Variants in PDE11A observed in about 807,000 individuals in gnomAD.
PDE11A encodes the protein dual 3',5'-cyclic-AMP and -GMP phosphodiesterase 11A.
A neutral mutation model predicts 100.5 loss-of-function variants in PDE11A; 100 were observed. The ratio of observed to expected loss-of-function variants is 1.00; its 90% CI spans 0.85 to 1.18. The LOEUF (loss-of-function observed/expected upper bound fraction) is 1.18, where lower values mean the gene tolerates loss of function less well. PDE11A is among the 50% of genes most tolerant of loss of function. The pLI, the probability that PDE11A is intolerant of heterozygous loss-of-function variation, is 0.00. For missense variants in PDE11A, 1,141 were observed against 1,152.6 expected (o/e 0.99, Z 0.15); for synonymous variants, 381 against 420.8 (o/e 0.91, Z 1.16).
Position 178,001,162 on chromosome 2 carries a change from T to A in PDE11A, c.1071+13140A>T, listed in dbSNP as rs192633482. Among the ~76,000 whole-genome samples, 243 of 152,302 alleles carry A rather than the reference T, an allele frequency of 1.6e-3. 1 individual carries two copies. Among genetic ancestry groups the A allele is most frequent in the African/African-American group, 5.4e-3 (224 of 41,560 alleles). On this transcript the variant is annotated intron_variant, in intron 2 of 19. Transcript: ENST00000286063. Reference sequence around the variant, plus strand: ...AAAGCACCTATCACAGAGTACACTCTTAAATGTTTCCATTATTTTCTCATT... The same window carrying A: ...AAAGCACCTATCACAGAGTACACTCATAAATGTTTCCATTATTTTCTCATT...
chr2:178,071,381 ACTAGT>A (rs2087126111), intron 1 of PDE11A, 140 bp downstream of exon 1: 2 of 914,122 alleles, frequency 2.2e-6, no homozygotes, highest in East Asian at 5.1e-5. Flanking sequence ...TAACATTCTA[ACTAGT>A]CTAAACTCGG....
intron 9 of PDE11A, among the ~76,000 whole-genome samples, chr2:177,777,123 A>C (rs1265524043): frequency 6.6e-6 from 1 of 152,136 alleles, no homozygotes; most frequent in Non-Finnish European, 1.5e-5. Context: ...TCTTTCCTTT[A>C]TAAATTACCC....
chr2:177,638,094 G>C (rs1321594395), intron 19 of PDE11A, among the ~76,000 whole-genome samples: 1 of 148,034 alleles, frequency 6.8e-6, no homozygotes, highest in Non-Finnish European at 1.5e-5. Flanking sequence ...CCGCCTCCCA[G>C]GTTCACGCCA....
intron 3 of PDE11A, among the ~76,000 whole-genome samples, chr2:177,902,225 C>G (rs572236935): frequency 5.9e-5 from 9 of 152,238 alleles, no homozygotes; most frequent in Admixed American, 1.3e-4. Flanking sequence ...CTAACTGATA[C>G]GATATATTCT....
chr2:177,799,747 C>T (rs572922986), intron 9 of PDE11A, among the ~76,000 whole-genome samples: 1 of 152,270 alleles, frequency 6.6e-6, no homozygotes, highest in African/African-American at 2.4e-5. Flanking sequence ...CTCCAGAGGG[C>T]AGTGTTCCTT....
chr2:177,804,173 C>T (rs1019345866), intron 9 of PDE11A, among the ~76,000 whole-genome samples: 3 of 151,918 alleles, frequency 2.0e-5, no homozygotes, highest in Non-Finnish European at 4.4e-5. Flanking sequence ...AACAAACAAC[C>T]CACAGAATGG....
At chr2:178,034,585 C>T (rs1559049143) in intron 1 of PDE11A, among the ~76,000 whole-genome samples, 1 of 152,184 alleles carries the variant, frequency 6.6e-6, no homozygotes, top group African/African-American at 2.4e-5. Flanking sequence ...CTTCTCAGCA[C>T]CACATTGCAC....
chr2:177,858,385 TC>T (rs2083881034), intron 5 of PDE11A, among the ~76,000 whole-genome samples: 1 of 146,938 alleles, frequency 6.8e-6, no homozygotes, highest in African/African-American at 2.5e-5. Flanking sequence ...TACAATTAAC[TC>T]AAACAAATTT....
chr2:177,960,502 T>C (rs1267165490), intron 2 of PDE11A, among the ~76,000 whole-genome samples: 2 of 152,122 alleles, frequency 1.3e-5, no homozygotes, highest in Non-Finnish European at 2.9e-5. Context: ...CAAACTTGTA[T>C]GTAAACATAC....
chr2:177,743,108 A>G (rs563047303), intron 10 of PDE11A, among the ~76,000 whole-genome samples: 1 of 152,384 alleles, frequency 6.6e-6, no homozygotes, highest in African/African-American at 2.4e-5. Context: ...AGCTGTTGAA[A>G]ATGATTTTTC....
At chr2:177,962,259 C>T (rs1039606613) in intron 2 of PDE11A, among the ~76,000 whole-genome samples, 4 of 152,012 alleles carry the variant, frequency 2.6e-5, no homozygotes, top group Non-Finnish European at 4.4e-5. Context: ...TTATACTTCA[C>T]ATTCCACAGT....
chr2:178,072,403 T>G lies in PDE11A; in HGVS notation c.35A>C (p.Glu12Ala). ...AASRLDFGEV[E>A]TFLDRHPELF... ...CTCTGGGTGCCTGTCCAGGAAAGTT[T>G]CCACCTCCCCAAAGTCCAGGCGGGA... Residue 12 changes from glutamate (E) to alanine (A), a missense_variant, in exon 1 of 20, where the codon GAA becomes GCA. Physicochemically the swap from Glu to Ala is moderately radical, Grantham distance 107. Transcript: ENST00000286063. The G allele has an allele frequency of 6.2e-7, 1 of 1,613,686 alleles. No homozygotes were observed. The highest frequency in any genetic ancestry group is 1.7e-5 in the Admixed American group (1 of 60,034).
chr2:177,893,588 G>C (rs1172263932), intron 4 of PDE11A, among the ~76,000 whole-genome samples: 1 of 152,146 alleles, frequency 6.6e-6, no homozygotes, highest in Non-Finnish European at 1.5e-5. Context: ...TTAACCCCTT[G>C]ATATCAATCT....
intron 19 of PDE11A, among the ~76,000 whole-genome samples, chr2:177,650,802 G>A (rs2080296875): frequency 6.6e-6 from 1 of 152,072 alleles, no homozygotes; most frequent in Non-Finnish European, 1.5e-5. Flanking sequence ...GACCTTTCAG[G>A]GTTTTGCTTT....
At chr2:177,847,983 G>GT (rs2083630242) in intron 5 of PDE11A, among the ~76,000 whole-genome samples, 1 of 141,472 alleles carries the variant, frequency 7.1e-6, no homozygotes, top group Non-Finnish European at 1.6e-5. Context: ...TAGTGTGAAT[G>GT]GTGTGTTTGT....
At chr2:177,902,240 C>T (rs1050020711) in intron 3 of PDE11A, among the ~76,000 whole-genome samples, 18 of 151,990 alleles carry the variant, frequency 1.2e-4, no homozygotes, top group Non-Finnish European at 2.5e-4. Context: ...TATTCTCCCC[C>T]GCCCTTAAGA....
intron 6 of PDE11A, among the ~76,000 whole-genome samples, chr2:177,835,351 T>C (rs962243852): frequency 2.0e-5 from 3 of 152,150 alleles, no homozygotes; most frequent in Admixed American, 1.3e-4. Flanking sequence ...GAAAATGCCT[T>C]CTTTTTCCTT....
At chr2:178,076,838 G>A (rs2087212988), upstream of PDE11A, among the ~76,000 whole-genome samples, 1 of 152,222 alleles carries the variant, frequency 6.6e-6, no homozygotes, top group Non-Finnish European at 1.5e-5. Flanking sequence ...CAGCTGGGAT[G>A]TGCTGGATGG....
intron 2 of PDE11A, among the ~76,000 whole-genome samples, chr2:177,974,371 A>G (rs2085806524): frequency 1.8e-5 from 1 of 56,538 alleles, no homozygotes; most frequent in Non-Finnish European, 2.9e-5. Flanking sequence ...ATGAAGCGAG[A>G]AGGGAAGTTT....
Sources: allele counts gnomAD v4.1 joint callset (sites outside exome capture counted in the v4.1 genomes callset), GRCh38; gene constraint gnomAD v4.1.1; transcripts MANE v1.5; gene names NCBI Gene and HGNC (gene_info 2026-07-23, HGNC 2026-07-21).